The following WNT5B variants were observed in gnomAD, a reference collection of about 807,000 sequenced individuals.
WNT5B encodes protein Wnt-5b.
Under a neutral mutation model 36.5 loss-of-function variants are expected in WNT5B, and 18 were observed. The ratio of observed to expected loss-of-function variants is 0.49; its 90% CI spans 0.34 to 0.73. The LOEUF (loss-of-function observed/expected upper bound fraction) is 0.73, where lower values mean the gene tolerates loss of function less well. Ranked by LOEUF, WNT5B falls within the 30% of genes least tolerant of loss-of-function variation. The probability of loss-of-function intolerance (pLI) is 0.01; values close to 1 mark genes in which losing one functional copy is unlikely to be tolerated. For synonymous variants in WNT5B, 213 were observed against 212.3 expected, an observed-to-expected ratio of 1.00 and a Z score of -0.03; for missense variants, 424 against 508.4, an observed-to-expected ratio of 0.83 and a Z score of 1.60.
rs777649606 is a variant in WNT5B at position 1,639,716 on chromosome 12, AGCGCCGCGG to A, written c.365_373del (p.Ala122_Gly124del). The stretch of plus-strand genomic sequence containing the variant: ...AGAGACCGCCTTCACCCACGCGGTG[AGCGCCGCGG>A]GCGTGGTCAACGCCATCAGCCGGGC... On this transcript the variant is annotated inframe_deletion, in exon 4 of 5. Transcript: ENST00000397196. 6.3e-7 allele frequency: 1 copy of A among 1,586,030 alleles called. No homozygotes were observed. Among genetic ancestry groups the A allele is most frequent in the South Asian group, 1.1e-5 (1 of 88,566 alleles).
At position 1,639,755 on chromosome 12, in the gene WNT5B, C is replaced by CGCGAGGGCGAGCTCTCCACCT; in HGVS notation, c.404_424dup (p.Glu135_Cys141dup). On this transcript the variant is annotated inframe_insertion, in exon 4 of 5. Coordinates refer to ENST00000397196, the MANE Select transcript of WNT5B (RefSeq NM_032642.3). ...GGTCAACGCCATCAGCCGGGCCTGC[C>CGCGAGGGCGAGCTCTCCACCT]GCGAGGGCGAGCTCTCCACCTGCGG... 1 of 1,605,652 alleles carries CGCGAGGGCGAGCTCTCCACCT rather than the reference C, an allele frequency of 6.2e-7. No individual in the cohort carries two copies. The highest frequency in any genetic ancestry group is 8.5e-7 in the Non-Finnish European group (1 of 1,176,084).
chr12:1,618,992 C>G lies in WNT5B; in HGVS notation c.-58+1849C>G, dbSNP rs2094530311. Among the ~76,000 whole-genome samples, 1 of 152,158 alleles carries G rather than the reference C, an allele frequency of 6.6e-6. No individual in the cohort carries two copies. The highest frequency in any genetic ancestry group is 1.5e-5 in the Non-Finnish European group (1 of 68,022). On this transcript the variant is annotated intron_variant, in intron 1 of 4. Transcript: ENST00000310594. This position sits in a 1 kb window ranked among gnomAD's most constrained non-coding sequence, Gnocchi z 4.1. ...GTGATTGGGTCTGTTTTGCTATATA[C>G]TTCCCAAATTGTGTACCTTATCACT...
At chr12:1,636,964 T>TC (rs1264293908) in intron 3 of WNT5B, among the ~76,000 whole-genome samples, 4 of 152,126 alleles carry the variant, frequency 2.6e-5, no homozygotes, top group African/African-American at 9.7e-5. Flanking sequence ...CTCCTTGGCC[T>TC]CCCAAAGTGC....
At chr12:1,640,247 A>C (rs1392216561) in intron 4 of WNT5B, among the ~76,000 whole-genome samples, 1 of 152,056 alleles carries the variant, frequency 6.6e-6, no homozygotes, top group Non-Finnish European at 1.5e-5. Flanking sequence ...ACTTAGGTGC[A>C]ATGTTTGGAT....
chr12:1,642,675 C>T (rs1361634688), intron 4 of WNT5B, among the ~76,000 whole-genome samples: 3 of 152,166 alleles, frequency 2.0e-5, no homozygotes, highest in Non-Finnish European at 2.9e-5. Context: ...CCACTCTTCC[C>T]CTTTCCCCTG....
Position 1,630,207 on chromosome 12 carries a change from C to A in WNT5B, c.-58+836C>A, listed in dbSNP as rs1246003126. On this transcript the variant is annotated intron_variant, in intron 1 of 4. Transcript: ENST00000397196. The surrounding 1 kb of genome is among the most constrained non-coding windows in gnomAD (Gnocchi z 5.3). The stretch of plus-strand genomic sequence containing the variant: ...GAGAGTGGCGCAGTGAGCCGGGGCG[C>A]GCGGGGCTGCGCTCGTCAGGTCCGG... 5 of 985,156 alleles carry A rather than the reference C, an allele frequency of 5.1e-6. No homozygotes were observed. The highest frequency in any genetic ancestry group is 1.7e-5 in the African/African-American group (1 of 57,204). 61.0% of individuals were successfully genotyped at this position (985,156 alleles called of 1,614,324 possible). A position where few individuals can be genotyped will look rare whatever the true frequency, so the allele number is the denominator to read the frequency against.
intron 3 of WNT5B, among the ~76,000 whole-genome samples, chr12:1,634,447 C>T (rs1171146114): frequency 6.6e-6 from 1 of 152,150 alleles, no homozygotes; most frequent in East Asian, 1.9e-4. Flanking sequence ...ATAAAGGCCC[C>T]AAAGTGAGGC....
intron 1 of WNT5B, chr12:1,631,015 G>A (rs2094549675): frequency 1.1e-5 from 2 of 186,734 alleles, no homozygotes; most frequent in African/African-American, 2.3e-5. Flanking sequence ...CGCAAGCTCC[G>A]CTCTTGAAAT....
At chr12:1,624,558 T>A (rs918342921), upstream of WNT5B, among the ~76,000 whole-genome samples, 1 of 152,154 alleles carries the variant, frequency 6.6e-6, no homozygotes, top group African/African-American at 2.4e-5. Flanking sequence ...AGAATAATAA[T>A]GGCATATGCC....
At position 1,645,711 on chromosome 12, in the gene WNT5B, C is replaced by G. The variant is rs984693592; in HGVS notation, c.622-83C>G. 3.0e-6 allele frequency: 4 copies of G among 1,349,630 alleles called. No individual in the cohort carries two copies. The African/African-American group carries it at 5.8e-5, about 20-fold the overall frequency. The allele number at this position is 1,349,630 out of a possible 1,614,324, so 83.6% of individuals were successfully genotyped here. On this transcript the variant is annotated intron_variant, in intron 4 of 4. Transcript: ENST00000397196. The stretch of plus-strand genomic sequence containing the variant: ...CTACCCTACCGGCCCCTCCTGTGTA[C>G]TAGGCCTGTGGCTACCCCAGCCACC...
chr12:1,645,835 C>A lies in WNT5B; in HGVS notation c.663C>A (p.Gly221=), dbSNP rs771908570. Residue 221 remains glycine, a synonymous_variant, in exon 5 of 5, where the codon GGC becomes GGA. Transcript: ENST00000397196. ...CAGACGTAGCCTGCAAATGCCACGGCGTCTCGGGGTCCTGCAGCCTCAAGA... is the reference window on the plus strand; with the variant it reads ...CAGACGTAGCCTGCAAATGCCACGGAGTCTCGGGGTCCTGCAGCCTCAAGA... ...KMADVACKCH[G]VSGSCSLKTC... 3 of 1,603,274 alleles carry A rather than the reference C, an allele frequency of 1.9e-6. No homozygotes were observed. The highest frequency in any genetic ancestry group is 2.7e-5 in the African/African-American group (2 of 74,736).
intron 1 of WNT5B, among the ~76,000 whole-genome samples, chr12:1,623,527 G>A (rs2094537243): frequency 6.6e-6 from 1 of 151,950 alleles, no homozygotes; most frequent in African/African-American, 2.4e-5. Context: ...GAAGTCACAT[G>A]GTCAAATCTA....
chr12:1,630,080 C>G lies in WNT5B; in HGVS notation c.-58+709C>G. On this transcript the variant is annotated intron_variant, in intron 1 of 4. Coordinates refer to ENST00000397196, the MANE Select transcript of WNT5B (RefSeq NM_032642.3). This position sits in a 1 kb window ranked among gnomAD's most constrained non-coding sequence, Gnocchi z 5.3. Reference sequence around the variant, plus strand: ...CCAGCTCTCCTGGACCCTGCTCGGGCCACTGTCCTCTCCTGGCGGCCCCAG... The same window carrying G: ...CCAGCTCTCCTGGACCCTGCTCGGGGCACTGTCCTCTCCTGGCGGCCCCAG... The G allele has an allele frequency of 1.0e-6, 1 of 966,702 alleles. No homozygotes were observed. The highest frequency in any genetic ancestry group is 1.2e-6 in the Non-Finnish European group (1 of 812,892). 59.9% of individuals were successfully genotyped at this position (966,702 alleles called of 1,614,324 possible).
At chr12:1,640,047 C>T (rs951657029) in intron 4 of WNT5B, 71 bp downstream of exon 4, 1 of 1,512,092 alleles carries the variant, frequency 6.6e-7, no homozygotes, top group Non-Finnish European at 8.8e-7. Flanking sequence ...TGCCACCAGC[C>T]GTGGCCTGGC....
rs1273886875 is a variant in WNT5B at position 1,633,765 on chromosome 12, G to C, written c.328+860G>C. 6.6e-6 allele frequency among the ~76,000 whole-genome samples: 1 copy of C among 152,198 alleles called. No homozygotes were observed. Among genetic ancestry groups the C allele is most frequent in the Non-Finnish European group, 1.5e-5 (1 of 68,030 alleles). On this transcript the variant is annotated intron_variant, in intron 3 of 4. Transcript: ENST00000397196. This position sits in a 1 kb window ranked among gnomAD's most constrained non-coding sequence, Gnocchi z 4.8. ...TCCCTTCAAAAGGTTACCTGAGGCT[G>C]GAGTTTCCCCAGAGAGGGATTTCAG...
chr12:1,623,243 C>T (rs576177864), intron 1 of WNT5B, among the ~76,000 whole-genome samples: 23 of 136,422 alleles, frequency 1.7e-4, no homozygotes, highest in East Asian at 6.2e-4. Flanking sequence ...TAGCCCAGGC[C>T]GGACTGCAGT....
chr12:1,638,980 C>T (rs571452447), intron 3 of WNT5B, among the ~76,000 whole-genome samples: 6 of 152,284 alleles, frequency 3.9e-5, no homozygotes, highest in African/African-American at 9.6e-5. Flanking sequence ...ATGATTTCTT[C>T]CTTAGCCTCA....
chr12:1,629,678 G>A (rs1008121534), intron 1 of WNT5B, among the ~76,000 whole-genome samples: 3 of 152,008 alleles, frequency 2.0e-5, no homozygotes, highest in Non-Finnish European at 4.4e-5. Flanking sequence ...TCCCTACTCG[G>A]GACCTGGTCG....
rs1446833755 is a variant in WNT5B, at chr12:1,644,468, G to C, written c.622-1326G>C. On this transcript the variant is annotated intron_variant, in intron 4 of 4. Transcript: ENST00000397196. The surrounding 1 kb of genome is among the most constrained non-coding windows in gnomAD (Gnocchi z 5.1). The stretch of plus-strand genomic sequence containing the variant: ...AAATAGTGGGAATAATTCCGTACCA[G>C]AAAAAACTCAGGAAGACTTTTGCCA... 7.2e-5 allele frequency among the ~76,000 whole-genome samples: 11 copies of C among 152,166 alleles called. No individual in the cohort carries two copies. The highest frequency in any genetic ancestry group is 1.6e-4 in the Non-Finnish European group (11 of 68,034).
Sources: allele counts gnomAD v4.1 joint callset (sites outside exome capture counted in the v4.1 genomes callset), GRCh38; gene constraint gnomAD v4.1.1; non-coding constraint Gnocchi (gnomAD v3.1); transcripts MANE v1.5; gene names NCBI Gene and HGNC (gene_info 2026-07-23, HGNC 2026-07-21).